The following KLRG1 variants were observed in gnomAD, a reference collection of about 807,000 sequenced individuals.
KLRG1 encodes the protein killer cell lectin-like receptor subfamily G member 1.
KLRG1 carries 16 observed loss-of-function variants against 21.8 expected under a neutral mutation model. The observed-to-expected ratio is 0.73, with a 90% CI of 0.50 to 1.11. The LOEUF (loss-of-function observed/expected upper bound fraction) is 1.11, where lower values mean the gene tolerates loss of function less well. Ranked by LOEUF, KLRG1 falls within the 50% of genes most tolerant of loss-of-function variation. The pLI, the probability that KLRG1 is intolerant of heterozygous loss-of-function variation, is 0.00. For missense variants in KLRG1, 173 were observed against 218.3 expected (o/e 0.79, Z 1.31); for synonymous variants, 69 against 75.9 (o/e 0.91, Z 0.47).
At chr12:9,085,892 T>C in the KLRG1 span, among the ~76,000 whole-genome samples, 1 of 152,116 alleles carries the variant, frequency 6.6e-6, no homozygotes, top group Non-Finnish European at 1.5e-5. Context: ...TTGGATGATC[T>C]AGAAGAAATG....
intron 1 of KLRG1, among the ~76,000 whole-genome samples, chr12:8,960,554 C>T (rs983921949): frequency 6.6e-6 from 1 of 152,182 alleles, no homozygotes. Context: ...TAGTTCTAGA[C>T]TTACATAAAG....
At chr12:9,140,454 T>C in the KLRG1 span, among the ~76,000 whole-genome samples, 15 of 152,300 alleles carry the variant, frequency 9.8e-5, no homozygotes, top group African/African-American at 3.4e-4. Context: ...AGGCACATGT[T>C]TGGAAAGGGC....
At chr12:9,160,255 G>T in the KLRG1 span, 6 of 1,458,292 alleles carry the variant, frequency 4.1e-6, no homozygotes, top group Non-Finnish European at 3.7e-6. Context: ...TATAACTGAA[G>T]CTTAATTGGG....
the KLRG1 span, chr12:9,157,319 A>T: frequency 7.1e-5 from 115 of 1,613,908 alleles, no homozygotes; most frequent in Middle Eastern, 1.6e-4. Context: ...TTCCAGGCTG[A>T]CTCCAGGCAG....
At chr12:9,121,760 T>G in the KLRG1 span, among the ~76,000 whole-genome samples, 72 of 152,300 alleles carry the variant, frequency 4.7e-4, no homozygotes, top group East Asian at 6.0e-3. The surrounding 1 kb of genome is among the most constrained non-coding windows in gnomAD (Gnocchi z 4.4). Flanking sequence ...TATTTATACT[T>G]TGGGGCATGC....
chr12:9,192,788 C>T, the KLRG1 span: 1 of 1,321,744 alleles, frequency 7.6e-7, no homozygotes, highest in Non-Finnish European at 1.1e-6. Context: ...AAATTCTTCA[C>T]CTTAGCTTCT....
At chr12:9,126,293 T>A in the KLRG1 span, among the ~76,000 whole-genome samples, 1 of 152,254 alleles carries the variant, frequency 6.6e-6, no homozygotes, top group South Asian at 2.1e-4. Flanking sequence ...CTCATTTGAA[T>A]GTTATATAAA....
chr12:9,120,714 C>T, the KLRG1 span, among the ~76,000 whole-genome samples: 4 of 152,178 alleles, frequency 2.6e-5, no homozygotes, highest in African/African-American at 4.8e-5. Flanking sequence ...TAACCATATT[C>T]ACCCTATTAG....
chr12:9,207,637 A>G, the KLRG1 span, among the ~76,000 whole-genome samples: 2 of 152,208 alleles, frequency 1.3e-5, no homozygotes, highest in Admixed American at 1.3e-4. Context: ...TCAGACTGAC[A>G]GTAGCCAAGA....
rs1946748233 is a variant in KLRG1 at position 8,981,144 on chromosome 12, T to C, written c.-155-11062T>C. Among the ~76,000 whole-genome samples, 3 of 152,240 alleles carry C rather than the reference T, an allele frequency of 2.0e-5. No homozygotes were observed. In the South Asian group the frequency reaches 6.2e-4, roughly 32 times the overall value. On this transcript the variant is annotated intron_variant, in intron 1 of 4. Transcript: ENST00000539240. ...ATATAAGGACTGGTACATCCTAGTC[T>C]GCTCTCTTGCTGTGTTAGTCCTCTT...
the KLRG1 span, among the ~76,000 whole-genome samples, chr12:9,048,429 A>G: frequency 7.2e-5 from 11 of 152,188 alleles, no homozygotes; most frequent in Non-Finnish European, 1.5e-5. Context: ...GTACAGATTA[A>G]TATCTCTACT....
At chr12:9,106,391 C>G in the KLRG1 span, 1 of 1,477,792 alleles carries the variant, frequency 6.8e-7, no homozygotes, top group South Asian at 1.2e-5. Flanking sequence ...AGAATGATGT[C>G]TCTAAAATTC....
the KLRG1 span, chr12:9,095,786 T>C: frequency 8.2e-7 from 1 of 1,221,874 alleles, no homozygotes; most frequent in Admixed American, 2.9e-5. Flanking sequence ...GGAGTCTCGC[T>C]CTGTCGCCCA....
At chr12:9,174,812 G>A in the KLRG1 span, among the ~76,000 whole-genome samples, 1 of 152,142 alleles carries the variant, frequency 6.6e-6, no homozygotes, top group Admixed American at 6.6e-5. Flanking sequence ...ATATCATAGA[G>A]GACACAAACA....
At chr12:9,175,141 C>T in the KLRG1 span, among the ~76,000 whole-genome samples, 2 of 152,148 alleles carry the variant, frequency 1.3e-5, no homozygotes, top group African/African-American at 4.8e-5. Flanking sequence ...GAATAGAGAA[C>T]TCAGAGATAA....
intron 3 of KLRG1, among the ~76,000 whole-genome samples, chr12:9,000,341 G>T (rs1414421690): frequency 6.6e-6 from 1 of 152,126 alleles, no homozygotes; most frequent in Non-Finnish European, 1.5e-5. Context: ...AGTGTCAACT[G>T]CATAACAAGG....
chr12:9,090,603 A>T, the KLRG1 span: 1 of 1,014,648 alleles, frequency 9.9e-7, no homozygotes, highest in Non-Finnish European at 1.4e-6. Flanking sequence ...AAGATGATAT[A>T]AATGAAGATC....
chr12:9,163,037 G>T, the KLRG1 span, among the ~76,000 whole-genome samples: 1 of 152,070 alleles, frequency 6.6e-6, no homozygotes, highest in South Asian at 2.1e-4. Flanking sequence ...CATCCTACTT[G>T]TTATTGAATT....
At chr12:9,034,504 G>A in the KLRG1 span, among the ~76,000 whole-genome samples, 1 of 151,950 alleles carries the variant, frequency 6.6e-6, no homozygotes, top group African/African-American at 2.4e-5. Context: ...GGAGTGCAAT[G>A]GTGTGATCTC....
Sources: gnomAD v4.1 joint callset for allele counts (sites outside exome capture counted in the v4.1 genomes callset) on GRCh38, gnomAD v4.1.1 for gene constraint, Gnocchi (gnomAD v3.1) non-coding constraint, MANE v1.5 for transcripts, NCBI Gene and HGNC (gene_info 2026-07-23, HGNC 2026-07-21) for gene names.